The following CNTNAP2 variants were observed in gnomAD, a reference collection of about 807,000 sequenced individuals.
CNTNAP2 encodes contactin associated protein 2, also known as contactin-associated protein-like 2.
In CNTNAP2, 98 loss-of-function variants were observed where a neutral mutation model predicts 155.2. The observed-to-expected ratio is 0.63, with a 90% CI of 0.54 to 0.75. The LOEUF is 0.75. Ranked by LOEUF, CNTNAP2 falls within the 30% of genes least tolerant of loss-of-function variation. The pLI, the probability that CNTNAP2 is intolerant of heterozygous loss-of-function variation, is 0.00. For missense variants in CNTNAP2, 1,727 were observed against 1,688.1 expected, an observed-to-expected ratio of 1.02 and a Z score of -0.40; for synonymous variants, 651 against 631.2, an observed-to-expected ratio of 1.03 and a Z score of -0.47.
intron 10 of CNTNAP2, among the ~76,000 whole-genome samples, chr7:147,464,164 C>T (rs1229858005): frequency 2.0e-5 from 3 of 151,952 alleles, no homozygotes; most frequent in African/African-American, 4.8e-5. Flanking sequence ...TATGACAATT[C>T]TGTGGCATTA....
At chr7:148,185,318 A>G (rs1035809814) in intron 18 of CNTNAP2, among the ~76,000 whole-genome samples, 5 of 152,238 alleles carry the variant, frequency 3.3e-5, no homozygotes, top group Admixed American at 6.5e-5. Context: ...GGCCTGGAAC[A>G]TCATTAAAGC....
At chr7:146,587,164 G>A (rs1043892880) in intron 1 of CNTNAP2, among the ~76,000 whole-genome samples, 3 of 152,074 alleles carry the variant, frequency 2.0e-5, no homozygotes, top group Non-Finnish European at 2.9e-5. Flanking sequence ...GTGTCTGGGT[G>A]CATGCCTGTG....
Position 147,689,151 on chromosome 7 carries a change from C to CTT in CNTNAP2, c.2098+49860_2098+49861dup, listed in dbSNP as rs5888280. On this transcript the variant is annotated intron_variant, in intron 13 of 23. Transcript: ENST00000361727. ...GAAAGCGGAGTATTCATAATTACTA[C>CTT]TTTTTTTTTTTTTTTTGAGACAGCG... Among the ~76,000 whole-genome samples the CTT allele has an allele frequency of 6.7e-3, 935 of 139,506 alleles. 11 individuals carry two copies. The highest frequency in any genetic ancestry group is 0.023 in the African/African-American group (864 of 38,102). 91.5% of individuals were successfully genotyped at this position (139,506 alleles called of 152,430 possible). A position where few individuals can be genotyped will look rare whatever the true frequency, so the allele number is the denominator to read the frequency against.
chr7:148,383,816 G>C lies in CNTNAP2; in HGVS notation c.3643G>C (p.Gly1215Arg). 7 of 1,614,098 alleles carry C rather than the reference G, an allele frequency of 4.3e-6. No individual in the cohort carries two copies. The highest frequency in any genetic ancestry group is 5.9e-6 in the Non-Finnish European group (7 of 1,180,032). Residue 1215 changes from glycine (G) to arginine (R), a missense_variant, in exon 22 of 24, where the codon GGG (glycine) becomes CGG (arginine). By Grantham distance (125) the Gly-to-Arg change is moderately radical. Transcript: ENST00000361727. ...IQGELVESNC[G>R]ASPLTLSPMS... ...GGGCGAGCTGGTGGAGTCCAACTGC[G>C]GGGCCTCGCCGCTGACCCTCTCCCC...
chr7:147,236,607 C>A (rs1803811379), intron 8 of CNTNAP2, among the ~76,000 whole-genome samples: 1 of 150,288 alleles, frequency 6.7e-6, no homozygotes, highest in Non-Finnish European at 1.5e-5. Flanking sequence ...TAAATCTTAA[C>A]CTGTAAAAAT....
intron 21 of CNTNAP2, among the ~76,000 whole-genome samples, chr7:148,352,183 A>G (rs1000946171): frequency 2.0e-5 from 3 of 152,162 alleles, no homozygotes; most frequent in Admixed American, 1.3e-4. Flanking sequence ...GTGAAGTGAC[A>G]TGGTCTGATT....
intron 8 of CNTNAP2, among the ~76,000 whole-genome samples, chr7:147,176,815 T>C (rs1802354720): frequency 1.6e-5 from 2 of 124,260 alleles, no homozygotes; most frequent in African/African-American, 3.2e-5. Context: ...ATAATAGATA[T>C]AGAATAATTA....
intron 21 of CNTNAP2, among the ~76,000 whole-genome samples, chr7:148,349,443 C>A (rs902050776): frequency 1.4e-5 from 2 of 141,502 alleles, no homozygotes; most frequent in Non-Finnish European, 3.0e-5. Flanking sequence ...ACTCTGTCGC[C>A]CGGGCTGGAG....
At chr7:148,190,664 G>C (rs1277276535) in intron 18 of CNTNAP2, 1 of 152,234 alleles carries the variant, frequency 6.6e-6, no homozygotes, top group Non-Finnish European at 1.5e-5. Flanking sequence ...GAGAACCAGG[G>C]AAGCCAGCAG....
chr7:146,743,043 T>G (rs912054326), intron 1 of CNTNAP2, among the ~76,000 whole-genome samples: 2 of 152,156 alleles, frequency 1.3e-5, no homozygotes, highest in African/African-American at 4.8e-5. Flanking sequence ...TTTTTTAATT[T>G]TATTTTAGAT....
chr7:147,962,750 C>T (rs1246030952), intron 14 of CNTNAP2, among the ~76,000 whole-genome samples: 1 of 152,054 alleles, frequency 6.6e-6, no homozygotes, highest in African/African-American at 2.4e-5. Context: ...ATGTATAGTC[C>T]ATTAATTTGT....
intron 3 of CNTNAP2, among the ~76,000 whole-genome samples, chr7:146,902,037 G>A (rs1327463233): frequency 2.6e-5 from 4 of 151,664 alleles, no homozygotes; most frequent in Non-Finnish European, 5.9e-5. Flanking sequence ...CACCTCGCCC[G>A]GCTAATTTTT....
intron 12 of CNTNAP2, among the ~76,000 whole-genome samples, chr7:147,589,834 C>T (rs1227708644): frequency 6.6e-6 from 1 of 152,208 alleles, no homozygotes; most frequent in South Asian, 2.1e-4. Context: ...TAACACTATA[C>T]AGTTATTCAG....
chr7:147,362,358 C>T (rs780285912), intron 9 of CNTNAP2, among the ~76,000 whole-genome samples: 10 of 152,154 alleles, frequency 6.6e-5, no homozygotes, highest in Admixed American at 2.0e-4. Flanking sequence ...TGGTCTCAGA[C>T]TCCTGAGCCC....
At chr7:147,463,155 A>AGTGT (rs1248483014) in intron 10 of CNTNAP2, among the ~76,000 whole-genome samples, 1 of 152,176 alleles carries the variant, frequency 6.6e-6, no homozygotes, top group African/African-American at 2.4e-5. Context: ...AAAAGAAACA[A>AGTGT]GTGTGAAGAA....
intron 8 of CNTNAP2, among the ~76,000 whole-genome samples, chr7:147,152,160 T>C (rs1801839929): frequency 1.3e-5 from 2 of 152,098 alleles, no homozygotes; most frequent in South Asian, 4.1e-4. Flanking sequence ...CATAGGGGAT[T>C]AAATCTGCTT....
intron 1 of CNTNAP2, among the ~76,000 whole-genome samples, chr7:146,138,176 T>C (rs999839856): frequency 6.6e-6 from 1 of 152,102 alleles, no homozygotes; most frequent in Non-Finnish European, 1.5e-5. Context: ...ACATTGTTAT[T>C]TTAACATTTT....
intron 10 of CNTNAP2, among the ~76,000 whole-genome samples, chr7:147,483,203 C>A (rs761464204): frequency 6.8e-6 from 1 of 146,208 alleles, no homozygotes; most frequent in Admixed American, 6.9e-5. Context: ...TGGATCCAAC[C>A]AATGGCAAAT....
At chr7:147,623,933 A>C (rs1223443194) in intron 12 of CNTNAP2, among the ~76,000 whole-genome samples, 1 of 151,568 alleles carries the variant, frequency 6.6e-6, no homozygotes, top group East Asian at 1.9e-4. Context: ...TCAATGGAAC[A>C]GAATGTATAA....
Sources: gnomAD v4.1 joint callset for allele counts (sites outside exome capture counted in the v4.1 genomes callset) on GRCh38, gnomAD v4.1.1 for gene constraint, MANE v1.5 for transcripts, NCBI Gene and HGNC (gene_info 2026-07-23, HGNC 2026-07-21) for gene names.